POU2AF1: variants seen among roughly 807,000 people sequenced by gnomAD.
The protein encoded by POU2AF1 is POU domain class 2-associating factor 1.
POU2AF1 carries 12 observed loss-of-function variants against 26.3 expected under a neutral mutation model. The observed-to-expected ratio is 0.46, with a 90% CI of 0.29 to 0.74. POU2AF1 has a LOEUF of 0.74. Ranked by LOEUF, POU2AF1 falls within the 30% of genes least tolerant of loss-of-function variation. POU2AF1 has a pLI of 0.09. For synonymous variants in POU2AF1, 175 were observed against 148.0 expected (o/e 1.18, Z -1.32); for missense variants, 297 against 334.5 (o/e 0.89, Z 0.87).
intron 1 of POU2AF1, chr11:111,363,139 G>A: frequency 9.9e-7 from 1 of 1,011,212 alleles, no homozygotes; most frequent in East Asian, 7.0e-5. Flanking sequence ...GTGTGCCCTG[G>A]CACAACAGAC....
At chr11:111,375,331 G>C (rs1368887565) in intron 1 of POU2AF1, among the ~76,000 whole-genome samples, 2 of 151,278 alleles carry the variant, frequency 1.3e-5, no homozygotes, top group Non-Finnish European at 2.9e-5. Context: ...TTAATGAATT[G>C]GCTGCAAGTT....
At chr11:111,363,670 T>TA (rs996241192) in intron 1 of POU2AF1, among the ~76,000 whole-genome samples, 6 of 152,040 alleles carry the variant, frequency 3.9e-5, no homozygotes, top group Non-Finnish European at 7.4e-5. Context: ...AAAATCATAA[T>TA]AAAAAATCCA....
intron 1 of POU2AF1, among the ~76,000 whole-genome samples, chr11:111,364,729 G>A (rs527640614): frequency 5.9e-5 from 9 of 152,348 alleles, no homozygotes; most frequent in Non-Finnish European, 1.2e-4. Flanking sequence ...GGATAAGCAT[G>A]CATTTCCGTC....
intron 2 of POU2AF1, among the ~76,000 whole-genome samples, chr11:111,358,364 A>ACT (rs1565360590): frequency 9.3e-6 from 1 of 107,286 alleles, no homozygotes. Context: ...ACACTCTCAC[A>ACT]CACTCACACA....
At chr11:111,375,627 C>G (rs1861296932) in intron 1 of POU2AF1, among the ~76,000 whole-genome samples, 1 of 152,034 alleles carries the variant, frequency 6.6e-6, no homozygotes, top group Non-Finnish European at 1.5e-5. Context: ...TCTCGATCTC[C>G]TGACCTCGTG....
chr11:111,370,580 G>A (rs1181373911), intron 1 of POU2AF1, among the ~76,000 whole-genome samples: 1 of 152,092 alleles, frequency 6.6e-6, no homozygotes. Flanking sequence ...GAAATGTGGG[G>A]GAACATGAGC....
chr11:111,358,224 T>G (rs1467677267), intron 2 of POU2AF1, among the ~76,000 whole-genome samples: 1 of 151,874 alleles, frequency 6.6e-6, no homozygotes, highest in Non-Finnish European at 1.5e-5. Flanking sequence ...CCAAGGGACC[T>G]GCGCTCCTTC....
At chr11:111,366,518 C>T (rs938907047) in intron 1 of POU2AF1, among the ~76,000 whole-genome samples, 2 of 152,174 alleles carry the variant, frequency 1.3e-5, no homozygotes, top group African/African-American at 4.8e-5. Context: ...GGTGGCTGAC[C>T]TCACGTTCTC....
At chr11:111,360,566 T>C (rs1006683299) in intron 1 of POU2AF1, among the ~76,000 whole-genome samples, 1 of 152,250 alleles carries the variant, frequency 6.6e-6, no homozygotes. Flanking sequence ...AGACCCATCC[T>C]CCAAGGTCCC....
intron 1 of POU2AF1, chr11:111,363,987 C>T (rs1159646191): frequency 1.0e-6 from 1 of 985,344 alleles, no homozygotes; most frequent in Non-Finnish European, 1.2e-6. Context: ...CCTTTCTATA[C>T]CACTGGAAGT....
rs770945283 is a variant in POU2AF1 at position 111,354,368 on chromosome 11, C to T, written c.664G>A (p.Asp222Asn). Residue 222 changes from aspartate to asparagine, a missense_variant, in exon 5 of 5, where the codon GAC becomes AAC. Asp to Asn is a conservative substitution (Grantham distance 23). Coordinates refer to ENST00000393067, the MANE Select transcript of POU2AF1 (RefSeq NM_006235.3). ...IPEPVLQDMEDPRRAASSLTI... is the reference protein window; with the variant it reads ...IPEPVLQDMENPRRAASSLTI... The stretch of plus-strand genomic sequence containing the variant: ...AACGAGCTGGCGGCTCTTCTGGGGT[C>T]TTCCATGTCCTGAAGGACTGGCTCT... The T allele has an allele frequency of 6.2e-6, 10 of 1,614,098 alleles. No individual in the cohort carries two copies. Among genetic ancestry groups the T allele is most frequent in the African/African-American group, 4.0e-5 (3 of 74,936 alleles).
chr11:111,370,273 T>C (rs1861183601), intron 1 of POU2AF1, among the ~76,000 whole-genome samples: 1 of 152,152 alleles, frequency 6.6e-6, no homozygotes, highest in African/African-American at 2.4e-5. Context: ...AGGGGAGTGG[T>C]TGTTAGTATC....
intron 1 of POU2AF1, among the ~76,000 whole-genome samples, chr11:111,365,488 A>G (rs918555146): frequency 6.6e-5 from 10 of 152,292 alleles, no homozygotes; most frequent in Admixed American, 5.9e-4. Context: ...ACTCTAAGTA[A>G]TCAATGGAAA....
At chr11:111,358,246 T>A (rs1860893199) in intron 2 of POU2AF1, among the ~76,000 whole-genome samples, 1 of 151,348 alleles carries the variant, frequency 6.6e-6, no homozygotes, top group Non-Finnish European at 1.5e-5. Context: ...TGCCTGATCC[T>A]TTTGGTCACC....
intron 1 of POU2AF1, among the ~76,000 whole-genome samples, chr11:111,377,170 G>A (rs369761448): frequency 1.7e-4 from 25 of 150,786 alleles, no homozygotes; most frequent in East Asian, 9.7e-4. Context: ...CCAGGAGTTC[G>A]AGACCAGGCT....
At chr11:111,358,744 TTTCACA>T in intron 2 of POU2AF1, 38 bp downstream of exon 2, 1 of 1,489,672 alleles carries the variant, frequency 6.7e-7, no homozygotes, top group Non-Finnish European at 9.0e-7. Flanking sequence ...ACACATTCTC[TTTCACA>T]CACACACACT....
At chr11:111,363,144 A>G (rs895415990) in intron 1 of POU2AF1, 1 of 1,011,484 alleles carries the variant, frequency 9.9e-7, no homozygotes, top group African/African-American at 1.7e-5. Flanking sequence ...CCCTGGCACA[A>G]CAGACCATAT....
intron 1 of POU2AF1, among the ~76,000 whole-genome samples, chr11:111,372,416 T>G (rs529745022): frequency 0.021 from 3,227 of 152,252 alleles, 116 homozygotes; most frequent in African/African-American, 0.074. Flanking sequence ...CAGGGCTTTT[T>G]TTTGCCATTG....
At chr11:111,357,086 G>A (rs561931199) in intron 4 of POU2AF1, among the ~76,000 whole-genome samples, 1 of 152,336 alleles carries the variant, frequency 6.6e-6, no homozygotes, top group Admixed American at 6.5e-5. Flanking sequence ...TGAAAGGCTA[G>A]TTCCAACACA....
Sources: allele counts gnomAD v4.1 joint callset (sites outside exome capture counted in the v4.1 genomes callset), GRCh38; gene constraint gnomAD v4.1.1; transcripts MANE v1.5; gene names NCBI Gene and HGNC (gene_info 2026-07-23, HGNC 2026-07-21).